Variants in STX8 observed in about 807,000 individuals in gnomAD.
The protein encoded by STX8 is syntaxin-8.
A neutral mutation model predicts 37.5 loss-of-function variants in STX8; 23 were observed. The observed-to-expected ratio is 0.61, with a 90% CI of 0.44 to 0.87. The LOEUF is 0.87. STX8 is among the 40% of genes least tolerant of loss of function. STX8 has a pLI of 0.00. For missense variants in STX8, 313 were observed against 284.7 expected (o/e 1.10, Z -0.71); for synonymous variants, 115 against 99.1 (o/e 1.16, Z -0.95).
intron 7 of STX8, among the ~76,000 whole-genome samples, chr17:9,305,195 C>T (rs1015984289): frequency 2.6e-5 from 4 of 151,920 alleles, no homozygotes; most frequent in African/African-American, 7.3e-5. Flanking sequence ...TGGGTTCAAG[C>T]GATTCTCCTG....
intron 4 of STX8, among the ~76,000 whole-genome samples, chr17:9,522,666 C>T (rs773430849): frequency 1.3e-5 from 2 of 150,456 alleles, no homozygotes; most frequent in South Asian, 2.1e-4. Context: ...GAGCCGAGAT[C>T]GCGCCACTGC....
At chr17:9,346,383 C>T (rs1013750884) in intron 7 of STX8, among the ~76,000 whole-genome samples, 1 of 152,176 alleles carries the variant, frequency 6.6e-6, no homozygotes, top group Non-Finnish European at 1.5e-5. Context: ...CGGGAGCACA[C>T]ATCTTACAGC....
At chr17:9,536,796 T>G (rs568680743) in intron 4 of STX8, among the ~76,000 whole-genome samples, 1 of 151,226 alleles carries the variant, frequency 6.6e-6, no homozygotes, top group African/African-American at 2.4e-5. Flanking sequence ...CAAGCTGGAG[T>G]GCAGTGGCAC....
At chr17:9,449,261 GT>G (rs2142399342) in intron 6 of STX8, among the ~76,000 whole-genome samples, 1 of 152,236 alleles carries the variant, frequency 6.6e-6, no homozygotes, top group South Asian at 2.1e-4. Flanking sequence ...CCTTCCACTG[GT>G]AAATAAACAA....
chr17:9,538,280 A>T (rs1268429683), intron 4 of STX8, among the ~76,000 whole-genome samples: 1 of 152,210 alleles, frequency 6.6e-6, no homozygotes, highest in Non-Finnish European at 1.5e-5. Flanking sequence ...TATGATATGG[A>T]TGTATATTCC....
intron 1 of STX8, among the ~76,000 whole-genome samples, chr17:9,575,517 A>C (rs1268005692): frequency 2.6e-5 from 4 of 152,224 alleles, no homozygotes; most frequent in Non-Finnish European, 5.9e-5. Context: ...AATCCCCGCA[A>C]CGAGATGCAG....
At chr17:9,450,974 G>C (rs923391819) in intron 6 of STX8, among the ~76,000 whole-genome samples, 1 of 151,758 alleles carries the variant, frequency 6.6e-6, no homozygotes, top group African/African-American at 2.4e-5. Flanking sequence ...CTGTGTTCTG[G>C]GCCCTGCGCT....
intron 4 of STX8, among the ~76,000 whole-genome samples, chr17:9,511,500 C>G (rs928103014): frequency 6.6e-6 from 1 of 151,890 alleles, no homozygotes; most frequent in Admixed American, 6.6e-5. Flanking sequence ...AAGGACAAAA[C>G]CCACATGATA....
At chr17:9,338,435 A>G (rs1311780560) in intron 7 of STX8, among the ~76,000 whole-genome samples, 2 of 152,146 alleles carry the variant, frequency 1.3e-5, no homozygotes, top group East Asian at 3.9e-4. Context: ...TCCACTCCTG[A>G]GTAATTCCTT....
At chr17:9,471,142 C>T (rs542488752) in intron 6 of STX8, among the ~76,000 whole-genome samples, 7 of 132,944 alleles carry the variant, frequency 5.3e-5, no homozygotes, top group East Asian at 2.3e-4. Flanking sequence ...CGTGAGCCAC[C>T]GCACCCTGCT....
intron 7 of STX8, among the ~76,000 whole-genome samples, chr17:9,281,337 G>A (rs1427610958): frequency 6.6e-6 from 1 of 152,212 alleles, no homozygotes; most frequent in African/African-American, 2.4e-5. Flanking sequence ...AAGCAGGGAT[G>A]ATTCCTGGGT....
chr17:9,281,905 G>T (rs1907898745), intron 7 of STX8, among the ~76,000 whole-genome samples: 1 of 152,178 alleles, frequency 6.6e-6, no homozygotes, highest in South Asian at 2.1e-4. Flanking sequence ...CTGCACTCCA[G>T]CTTGAGCTAC....
At chr17:9,328,079 TTTTC>T (rs953543122) in intron 7 of STX8, among the ~76,000 whole-genome samples, 1 of 151,246 alleles carries the variant, frequency 6.6e-6, no homozygotes, top group African/African-American at 2.4e-5. Context: ...CTTTCTTTTC[TTTTC>T]TTTCTTTCTT....
intron 4 of STX8, among the ~76,000 whole-genome samples, chr17:9,520,532 A>C (rs1267957621): frequency 1.3e-5 from 2 of 152,256 alleles, no homozygotes; most frequent in Non-Finnish European, 2.9e-5. Context: ...AAATAAATGA[A>C]ACTTATCAAA....
intron 5 of STX8, among the ~76,000 whole-genome samples, chr17:9,496,714 G>C (rs1904419073): frequency 6.6e-6 from 1 of 152,172 alleles, no homozygotes; most frequent in African/African-American, 2.4e-5. Context: ...GGTGGATCCA[G>C]TATAATCATA....
intron 7 of STX8, among the ~76,000 whole-genome samples, chr17:9,327,361 G>A (rs1189459183): frequency 6.7e-6 from 1 of 149,490 alleles, no homozygotes; most frequent in East Asian, 2.0e-4. Context: ...GAAGGAGAGG[G>A]AGAGGGAGAA....
intron 6 of STX8, among the ~76,000 whole-genome samples, chr17:9,429,989 A>ATATATTC (rs1351373598): frequency 1.3e-4 from 2 of 15,656 alleles, no homozygotes; most frequent in Non-Finnish European, 1.8e-4. Flanking sequence ...AGAATATATT[A>ATATATTC]TATATAATAT....
At chr17:9,380,615 C>T (rs1012180025) in intron 6 of STX8, among the ~76,000 whole-genome samples, 2 of 151,700 alleles carry the variant, frequency 1.3e-5, no homozygotes, top group African/African-American at 4.8e-5. Context: ...CGATGACCGA[C>T]CACATCTACG....
At chr17:9,493,126 G>A (rs1004372992) in intron 5 of STX8, among the ~76,000 whole-genome samples, 15 of 150,716 alleles carry the variant, frequency 1.0e-4, no homozygotes, top group African/African-American at 3.4e-4. Context: ...AGCTAGGCAC[G>A]ATGGCATGTA....
Sources: allele counts gnomAD v4.1 joint callset (sites outside exome capture counted in the v4.1 genomes callset), GRCh38; gene constraint gnomAD v4.1.1; transcripts MANE v1.5; gene names NCBI Gene and HGNC (gene_info 2026-07-23, HGNC 2026-07-21).